The following CROCC variants were observed in gnomAD, a reference collection of about 807,000 sequenced individuals.
CROCC encodes the protein ciliary rootlet coiled-coil, rootletin, also known as rootletin.
Under a neutral mutation model 245.2 loss-of-function variants are expected in CROCC, and 180 were observed. That is an observed-to-expected ratio of 0.73 (90% CI 0.65 to 0.83). The LOEUF (loss-of-function observed/expected upper bound fraction) is 0.83. Ranked by LOEUF, CROCC falls within the 40% of genes least tolerant of loss-of-function variation. CROCC has a pLI of 0.00. For synonymous variants in CROCC, 1,205 were observed against 1,241.6 expected, an observed-to-expected ratio of 0.97 and a Z score of 0.62; for missense variants, 2,688 against 2,779.4, an observed-to-expected ratio of 0.97 and a Z score of 0.74.
At chr1:16,940,908 C>T (rs1403467709) in intron 13 of CROCC, 9 of 425,110 alleles carry the variant, frequency 2.1e-5, no homozygotes, top group Non-Finnish European at 4.3e-5. Flanking sequence ...GGACCGAAGC[C>T]TGAGAGTTAG....
In CROCC at chr1:16,939,151, G is replaced by A. The variant is rs1175945856; in HGVS notation, c.1608+9G>A. The A allele has an allele frequency of 1.4e-6, 2 of 1,468,240 alleles. No homozygotes were observed. Among genetic ancestry groups the A allele is most frequent in the African/African-American group, 1.5e-5 (1 of 68,666 alleles). 91.0% of individuals were successfully genotyped at this position (1,468,240 alleles called of 1,614,324 possible). Reference sequence around the variant, plus strand: ...GCCAGCTGCAGGTCCAGGTAGGAAGGGGCTTGAGCGTTCTGGGCGCAGCCA... The same window carrying A: ...GCCAGCTGCAGGTCCAGGTAGGAAGAGGCTTGAGCGTTCTGGGCGCAGCCA... On this transcript the variant is annotated intron_variant, in intron 12 of 36. Transcript: ENST00000375541.
chr1:16,936,677 C>G lies in CROCC; in HGVS notation c.997C>G (p.Arg333Gly), dbSNP rs770036314. Reference sequence around the variant, plus strand: ...GGGAGGGGAGCTGGCCCGGACATCACGAGCTGTCCAGGAGGCGGGCCTGGG... The same window carrying G: ...GGGAGGGGAGCTGGCCCGGACATCAGGAGCTGTCCAGGAGGCGGGCCTGGG... ...QLGGELARTS[R>G]AVQEAGLGLS... is the part of the protein sequence containing the mutation. The change falls in exon 9 of 37, where the codon CGA becomes GGA. Residue 333 changes from arginine to glycine, a missense_variant. Transcript: ENST00000375541. 3 of 1,599,426 alleles carry G rather than the reference C, an allele frequency of 1.9e-6. No individual in the cohort carries two copies. The highest frequency in any genetic ancestry group is 1.1e-5 in the South Asian group (1 of 88,960).
intron 8 of CROCC, among the ~76,000 whole-genome samples, chr1:16,931,725 G>A (rs1487688220): frequency 1.3e-5 from 2 of 152,212 alleles, no homozygotes; most frequent in South Asian, 2.1e-4. Context: ...TCACACAGTA[G>A]TACATAAGTG....
chr1:16,915,203 T>G (rs2075289152), intron 1 of CROCC, among the ~76,000 whole-genome samples: 1 of 152,296 alleles, frequency 6.6e-6, no homozygotes, highest in Non-Finnish European at 1.5e-5. Flanking sequence ...TGTCCTTCCG[T>G]GATCCCCGTC....
At chr1:16,959,248 G>A (rs527699083) in intron 26 of CROCC, among the ~76,000 whole-genome samples, 5 of 152,110 alleles carry the variant, frequency 3.3e-5, no homozygotes, top group Non-Finnish European at 5.9e-5. Context: ...TGTCTCAAAC[G>A]CCTGACCTCA....
In CROCC at chr1:16,954,507, C is replaced by T; in HGVS notation, c.3321+150C>T. On this transcript the variant is annotated intron_variant, in intron 22 of 36. Coordinates refer to ENST00000375541, the MANE Select transcript of CROCC (RefSeq NM_014675.5). The surrounding 1 kb of genome is among the most constrained non-coding windows in gnomAD (Gnocchi z 4.4). ...TAGCCCTTCTTTTGGGAGCCCCCATCTGAGGGAGGTGGCTCAGCCCTGCCC... is the reference window on the plus strand; with the variant it reads ...TAGCCCTTCTTTTGGGAGCCCCCATTTGAGGGAGGTGGCTCAGCCCTGCCC... The T allele has an allele frequency of 2.4e-6, 3 of 1,257,846 alleles. No individual in the cohort carries two copies. The highest frequency in any genetic ancestry group is 3.2e-6 in the Non-Finnish European group (3 of 925,132). The allele number at this position is 1,257,846 out of a possible 1,614,324, so 77.9% of individuals were successfully genotyped here. A position where few individuals can be genotyped will look rare whatever the true frequency, so the allele number is the denominator to read the frequency against.
chr1:16,966,642 T>G lies in CROCC; in HGVS notation c.4860+71T>G. 1 of 1,398,682 alleles carries G rather than the reference T, an allele frequency of 7.1e-7. No individual in the cohort carries two copies. Among genetic ancestry groups the G allele is most frequent in the Non-Finnish European group, 9.3e-7 (1 of 1,070,932 alleles). The allele number at this position is 1,398,682 out of a possible 1,614,324, so 86.6% of individuals were successfully genotyped here. A position where few individuals can be genotyped will look rare whatever the true frequency, so the allele number is the denominator to read the frequency against. Reference sequence around the variant, plus strand: ...CCCGAGTGAGTGTCTAACTCTTATGTGTGTCTCCCTGTGTCTGTCTGCCTG... The same window carrying G: ...CCCGAGTGAGTGTCTAACTCTTATGGGTGTCTCCCTGTGTCTGTCTGCCTG... On this transcript the variant is annotated intron_variant, in intron 30 of 36. Transcript: ENST00000375541. The surrounding 1 kb of genome is among the most constrained non-coding windows in gnomAD (Gnocchi z 4.8).
rs2076217624 is a variant in CROCC, at chr1:16,954,597, G to T, written c.3322-137G>T. 12 of 1,242,434 alleles carry T rather than the reference G, an allele frequency of 9.7e-6. No homozygotes were observed. Among genetic ancestry groups the T allele is most frequent in the Non-Finnish European group, 1.3e-5 (12 of 908,228 alleles). The allele number at this position is 1,242,434 out of a possible 1,614,324, so 77.0% of individuals were successfully genotyped here. A position where few individuals can be genotyped will look rare whatever the true frequency, so the allele number is the denominator to read the frequency against. ...GGGCAGCACTCACTATGCATCCAGGGGTTGGCAGAGGGTCCGGCAGGCCAG... is the reference window on the plus strand; with the variant it reads ...GGGCAGCACTCACTATGCATCCAGGTGTTGGCAGAGGGTCCGGCAGGCCAG... On this transcript the variant is annotated intron_variant, in intron 22 of 36. Coordinates refer to ENST00000375541, the MANE Select transcript of CROCC (RefSeq NM_014675.5). This position sits in a 1 kb window ranked among gnomAD's most constrained non-coding sequence, Gnocchi z 4.4.
intron 13 of CROCC, among the ~76,000 whole-genome samples, chr1:16,940,355 C>T (rs1252435653): frequency 6.6e-6 from 1 of 151,244 alleles, no homozygotes; most frequent in East Asian, 1.9e-4. Flanking sequence ...TCCCGAGTAT[C>T]TGGGACTACA....
intron 1 of CROCC, among the ~76,000 whole-genome samples, chr1:16,915,757 T>A (rs532460559): frequency 6.6e-6 from 1 of 152,264 alleles, no homozygotes; most frequent in African/African-American, 2.4e-5. Flanking sequence ...AGTGATATTT[T>A]TGAGCCAAAA....
intron 19 of CROCC, among the ~76,000 whole-genome samples, chr1:16,950,683 G>A (rs1267711307): frequency 1.3e-5 from 2 of 152,206 alleles, no homozygotes; most frequent in African/African-American, 4.8e-5. Context: ...TTTGACATCC[G>A]TCCCATTTGG....
intron 32 of CROCC, among the ~76,000 whole-genome samples, 167 bp from the exon 33 acceptor site, chr1:16,969,618 C>T (rs2076479411): frequency 6.6e-6 from 1 of 152,182 alleles, no homozygotes; most frequent in African/African-American, 2.4e-5. Context: ...TGGGTCCCAC[C>T]TTATGCAGGT....
In CROCC at chr1:16,929,911, G is replaced by C. The variant is rs72644305; in HGVS notation, c.417G>C (p.Arg139=). ...LETQEPRGLV[R]QSVELRRQLQ... is the part of the protein sequence containing the mutation. ...CGCAGGAGCCCAGGGGGCTGGTACG[G>C]CAGAGCGTGGAGTTGCGGAGGCAGC... Residue 139 remains arginine (R), a synonymous_variant, in exon 4 of 37, where the codon CGG becomes CGC. Transcript: ENST00000375541. 9.1e-5 allele frequency: 145 copies of C among 1,588,510 alleles called. No individual in the cohort carries two copies. Among genetic ancestry groups the C allele is most frequent in the Middle Eastern group, 2.2e-4 (1 of 4,484 alleles).
intron 27 of CROCC, among the ~76,000 whole-genome samples, chr1:16,961,835 C>CT (rs2076338640): frequency 6.6e-6 from 1 of 152,174 alleles, no homozygotes; most frequent in South Asian, 2.1e-4. Flanking sequence ...TAGTCTTGAA[C>CT]TCCTGGACTC....
At chr1:16,929,132 G>T (rs4990097) in intron 3 of CROCC, among the ~76,000 whole-genome samples, 4 of 152,258 alleles carry the variant, frequency 2.6e-5, no homozygotes, top group South Asian at 2.1e-4. Context: ...CAGCCAGAAG[G>T]GGGCATTAAT....
Position 16,939,153 on chromosome 1 carries a change from G to C in CROCC, c.1608+11G>C, listed in dbSNP as rs1049297336. The C allele has an allele frequency of 6.8e-7, 1 of 1,466,892 alleles. No individual in the cohort carries two copies. The highest frequency in any genetic ancestry group is 1.5e-5 in the African/African-American group (1 of 68,732). The allele number at this position is 1,466,892 out of a possible 1,614,324, so 90.9% of individuals were successfully genotyped here. A position where few individuals can be genotyped will look rare whatever the true frequency, so the allele number is the denominator to read the frequency against. On this transcript the variant is annotated intron_variant, in intron 12 of 36. Transcript: ENST00000375541. The stretch of plus-strand genomic sequence containing the variant: ...CAGCTGCAGGTCCAGGTAGGAAGGG[G>C]CTTGAGCGTTCTGGGCGCAGCCAGA...
At chr1:16,946,644 C>A in intron 16 of CROCC, 117 bp from the exon 17 acceptor site, 1 of 1,200,410 alleles carries the variant, frequency 8.3e-7, no homozygotes, top group Non-Finnish European at 1.2e-6. Flanking sequence ...AGGGCACTGT[C>A]CCTCATTCCC....
chr1:16,956,266 A>C (rs1263164192), intron 25 of CROCC, 110 bp downstream of exon 25: 3 of 1,178,778 alleles, frequency 2.5e-6, no homozygotes, highest in Admixed American at 2.9e-5. Context: ...AGGGGCTTGA[A>C]CTATGACAAG....
chr1:16,920,109 T>C (rs1401161557), upstream of CROCC, among the ~76,000 whole-genome samples: 1 of 152,214 alleles, frequency 6.6e-6, no homozygotes, highest in African/African-American at 2.4e-5. Flanking sequence ...AGACGGAGTC[T>C]TACTGTGTCG....
Sources: allele counts gnomAD v4.1 joint callset (sites outside exome capture counted in the v4.1 genomes callset), GRCh38; gene constraint gnomAD v4.1.1; non-coding constraint Gnocchi (gnomAD v3.1); transcripts MANE v1.5; gene names NCBI Gene and HGNC (gene_info 2026-07-23, HGNC 2026-07-21).